PZP: variants seen among roughly 807,000 people sequenced by gnomAD.
PZP encodes the protein PZP alpha-2-macroglobulin like.
A neutral mutation model predicts 179.8 loss-of-function variants in PZP; 150 were observed. That is an observed-to-expected ratio of 0.83 (90% CI 0.73 to 0.96). PZP has a LOEUF of 0.96. Ranked by LOEUF, PZP falls within the 40% of genes least tolerant of loss-of-function variation. The pLI is 0.00. For synonymous variants in PZP, 624 were observed against 652.3 expected, an observed-to-expected ratio of 0.96 and a Z score of 0.66; for missense variants, 1,689 against 1,764.0, an observed-to-expected ratio of 0.96 and a Z score of 0.76.
intron 7 of PZP, among the ~76,000 whole-genome samples, chr12:9,198,687 TACAC>T (rs1439101837): frequency 2.0e-5 from 3 of 152,180 alleles, no homozygotes; most frequent in African/African-American, 7.2e-5. Flanking sequence ...AACAGAATAA[TACAC>T]AATAATTTTG....
intron 31 of PZP, 75 bp from the exon 32 acceptor site, chr12:9,152,385 T>G: frequency 9.4e-7 from 1 of 1,067,298 alleles, no homozygotes. Flanking sequence ...CAAGCATCAC[T>G]TTAAGCCTGT....
intron 18 of PZP, among the ~76,000 whole-genome samples, chr12:9,165,793 T>C (rs939190188): frequency 6.6e-6 from 1 of 152,214 alleles, no homozygotes; most frequent in African/African-American, 2.4e-5. Context: ...CATTAAGCAG[T>C]ATATATAGAA....
In PZP at chr12:9,202,594, G is replaced by A. The variant is rs780543648; in HGVS notation, c.358C>T (p.Leu120=). 6.2e-7 allele frequency: 1 copy of A among 1,614,116 alleles called. No homozygotes were observed. The highest frequency in any genetic ancestry group is 8.5e-7 in the Non-Finnish European group (1 of 1,179,986). The stretch of plus-strand genomic sequence containing the variant: ...ACCAGACTTTGGGTGTTCAGTACCA[G>A]AACTGTGTTCCTCTTCCTGAAATCT... ...TQDFRKRNTV[L]VLNTQSLVFV... is the part of the protein sequence containing the mutation. The change falls in exon 3 of 36, where the codon CTG becomes TTG. Residue 120 remains leucine, a synonymous_variant. Transcript: ENST00000261336.
intron 7 of PZP, 117 bp from the exon 8 acceptor site, chr12:9,197,240 C>CTTG (rs2121161988): frequency 1.5e-6 from 1 of 662,324 alleles, no homozygotes; most frequent in East Asian, 3.0e-5. Context: ...ATCTGGGTGC[C>CTTG]CACCAAGTAG....
chr12:9,170,299 T>C lies in PZP; in HGVS notation c.1840-708A>G, dbSNP rs907654129. ...GCAACCCATGGATCAGGAGATACCC[T>C]TGTGAGCCCATGCCACCAGGGTCTT... On this transcript the variant is annotated intron_variant, in intron 15 of 35. Coordinates refer to ENST00000261336, the MANE Select transcript of PZP (RefSeq NM_002864.3). This position sits in a 1 kb window ranked among gnomAD's most constrained non-coding sequence, Gnocchi z 4.6. Among the ~76,000 whole-genome samples, 1 of 152,170 alleles carries C rather than the reference T, an allele frequency of 6.6e-6. No individual in the cohort carries two copies. The highest frequency in any genetic ancestry group is 2.4e-5 in the African/African-American group (1 of 41,432).
At chr12:9,200,316 A>C (rs1944081056) in intron 7 of PZP, 48 bp downstream of exon 7, 1 of 1,417,002 alleles carries the variant, frequency 7.1e-7, no homozygotes, top group East Asian at 2.3e-5. Flanking sequence ...ATAATCCCTC[A>C]AAATTGAGGC....
At chr12:9,191,543 A>T (rs1943456676) in intron 13 of PZP, among the ~76,000 whole-genome samples, 1 of 152,196 alleles carries the variant, frequency 6.6e-6, no homozygotes, top group Non-Finnish European at 1.5e-5. Flanking sequence ...GAGAAACTAC[A>T]TAAATAGAAA....
At chr12:9,162,773 C>T in intron 21 of PZP, 125 bp from the exon 22 acceptor site, 1 of 808,468 alleles carries the variant, frequency 1.2e-6, no homozygotes, top group Non-Finnish European at 2.0e-6. Flanking sequence ...CTCTTTTTTT[C>T]CCAACTTTTG....
At chr12:9,145,173 G>A (rs1007954610), downstream of PZP, among the ~76,000 whole-genome samples, 10 of 152,156 alleles carry the variant, frequency 6.6e-5, no homozygotes, top group Non-Finnish European at 1.0e-4. Flanking sequence ...TGCATTTAAA[G>A]TAATTGTTGA....
intron 1 of PZP, among the ~76,000 whole-genome samples, chr12:9,205,231 G>T (rs947384371): frequency 3.9e-5 from 6 of 151,942 alleles, no homozygotes; most frequent in African/African-American, 1.5e-4. Flanking sequence ...TCACATTCTG[G>T]CCTTAGCTTT....
chr12:9,182,207 T>A, intron 13 of PZP, 90 bp from the exon 14 acceptor site: 1 of 1,097,004 alleles, frequency 9.1e-7, no homozygotes, highest in Non-Finnish European at 1.2e-6. Flanking sequence ...TGCTTGGTCT[T>A]ATCCACTTGA....
rs1402593062 is a variant in PZP, at chr12:9,166,091, T to G, written c.2219A>C (p.Tyr740Ser). The change falls in exon 18 of 36, where the codon TAT (tyrosine) becomes TCT (serine). Residue 740 changes from tyrosine (Y) to serine (S), a missense_variant. Around this residue, in one of 3 missense-constraint regions of PZP, gnomAD observed 201 missense variants for 284.2 expected, o/e 0.71. Transcript: ENST00000261336. The stretch of plus-strand genomic sequence containing the variant: ...CTCCCAGATCCAAGTCTCAGGAAAA[T>G]AGCTTCGCACCGTTTCAGGGACTGG... ...SGPVPETVRS[Y>S]FPETWIWELV... 1 of 1,611,290 alleles carries G rather than the reference T, an allele frequency of 6.2e-7. No individual in the cohort carries two copies. The highest frequency in any genetic ancestry group is 8.5e-7 in the Non-Finnish European group (1 of 1,179,472).
chr12:9,163,265 A>G (rs1170869675), intron 21 of PZP, among the ~76,000 whole-genome samples: 1 of 147,328 alleles, frequency 6.8e-6, no homozygotes, highest in Non-Finnish European at 1.5e-5. Flanking sequence ...ATCCTGGCTA[A>G]CATGGTGAAA....
intron 2 of PZP, among the ~76,000 whole-genome samples, chr12:9,203,133 A>G (rs1420020403): frequency 6.6e-6 from 1 of 152,186 alleles, no homozygotes; most frequent in Non-Finnish European, 1.5e-5. Flanking sequence ...TTTCTAGGAA[A>G]TGTCCAGCCC....
chr12:9,196,397 A>G lies in PZP; in HGVS notation c.1025T>C (p.Ile342Thr), dbSNP rs1422702952. ...TANRISEITN[I>T]VSKLKFVKVD... ...TTTCACGAATTTGAGTTTGGATACA[A>G]TGTTTGTGATTTCACTGATCCTGTT... Residue 342 changes from isoleucine to threonine, a missense_variant, in exon 10 of 36, where the codon ATT (isoleucine) becomes ACT (threonine). By Grantham distance (89) the Ile-to-Thr change is moderately conservative. Around this residue, in one of 3 missense-constraint regions of PZP, gnomAD observed 742 missense variants for 730.5 expected, o/e 1.02. Transcript: ENST00000261336. The G allele has an allele frequency of 1.2e-6, 2 of 1,613,850 alleles. No individual in the cohort carries two copies. The highest frequency in any genetic ancestry group is 2.2e-5 in the East Asian group (1 of 44,866).
rs774401720 is a variant in PZP, at chr12:9,204,844, C to T, written c.84-893G>A. Among the ~76,000 whole-genome samples, 20 of 152,190 alleles carry T rather than the reference C, an allele frequency of 1.3e-4. No individual in the cohort carries two copies. In the East Asian group the frequency reaches 1.5e-3, roughly 12 times the overall value. On this transcript the variant is annotated intron_variant, in intron 1 of 35. Transcript: ENST00000261336. ...GGAGAAGTGGCTTATACCTAGTTCCCGGCACTTTGGGAGGCTGAGGCAGGA... is the reference window on the plus strand; with the variant it reads ...GGAGAAGTGGCTTATACCTAGTTCCTGGCACTTTGGGAGGCTGAGGCAGGA...
chr12:9,203,991 A>G, intron 1 of PZP, 40 bp from the exon 2 acceptor site: 2 of 1,528,322 alleles, frequency 1.3e-6, no homozygotes, highest in Non-Finnish European at 1.8e-6. Flanking sequence ...AAAACTGATG[A>G]TAGTAAGCGT....
chr12:9,172,286 G>T (rs1189415434), intron 15 of PZP, among the ~76,000 whole-genome samples: 3 of 152,128 alleles, frequency 2.0e-5, no homozygotes, highest in Admixed American at 2.0e-4. Flanking sequence ...TCAAACAAGT[G>T]AATGGTTAGG....
chr12:9,153,524 T>C (rs1940523567), intron 29 of PZP, among the ~76,000 whole-genome samples, 181 bp from the exon 30 acceptor site: 1 of 152,256 alleles, frequency 6.6e-6, no homozygotes, highest in East Asian at 1.9e-4. Context: ...TGCTGCAGTT[T>C]CTCCAAATGA....
Sources: allele counts gnomAD v4.1 joint callset (sites outside exome capture counted in the v4.1 genomes callset), GRCh38; gene constraint gnomAD v4.1.1; regional missense constraint gnomAD v4.1.1; non-coding constraint Gnocchi (gnomAD v3.1); transcripts MANE v1.5; gene names NCBI Gene and HGNC (gene_info 2026-07-23, HGNC 2026-07-21).